CPAP: variants seen among roughly 807,000 people sequenced by gnomAD.
CPAP encodes the protein centrosome assembly and centriole elongation protein.
At chr13:24,925,561 C>T in the CPAP span, among the ~76,000 whole-genome samples, 6 of 152,146 alleles carry the variant, frequency 3.9e-5, no homozygotes, top group South Asian at 2.1e-4. Flanking sequence ...GATCACACCA[C>T]GAGACTACAG....
the CPAP span, among the ~76,000 whole-genome samples, chr13:24,907,842 TCTC>T: frequency 1.3e-5 from 2 of 152,230 alleles, no homozygotes; most frequent in Non-Finnish European, 2.9e-5. Context: ...GCTTGACATA[TCTC>T]CTCAACCTCT....
chr13:24,884,974 CTG>C, the CPAP span, among the ~76,000 whole-genome samples: 4 of 152,192 alleles, frequency 2.6e-5, no homozygotes, highest in African/African-American at 7.2e-5. Context: ...AAGAATAAAA[CTG>C]TGCTAGCTGG....
At chr13:24,894,731 G>A in the CPAP span, among the ~76,000 whole-genome samples, 1 of 152,190 alleles carries the variant, frequency 6.6e-6, no homozygotes, top group Non-Finnish European at 1.5e-5. Context: ...GAGGCGGAGG[G>A]TGGGCTCCGT....
the CPAP span, among the ~76,000 whole-genome samples, chr13:24,886,640 GT>G: frequency 6.6e-6 from 1 of 152,124 alleles, no homozygotes; most frequent in Non-Finnish European, 1.5e-5. Flanking sequence ...GGAGTGCTCT[GT>G]TTGGGATGAC....
At chr13:24,885,313 T>C in the CPAP span, 2 of 1,613,682 alleles carry the variant, frequency 1.2e-6, no homozygotes, top group Non-Finnish European at 1.7e-6. Flanking sequence ...CTGTATGTCT[T>C]GGTCTTCCTC....
chr13:24,906,400 C>A, the CPAP span: 9 of 1,613,004 alleles, frequency 5.6e-6, no homozygotes, highest in Non-Finnish European at 6.8e-6. Context: ...CAGACTCTTT[C>A]ATGGTCTCCC....
At chr13:24,918,872 G>A in the CPAP span, among the ~76,000 whole-genome samples, 5 of 151,996 alleles carry the variant, frequency 3.3e-5, no homozygotes, top group African/African-American at 9.7e-5. Flanking sequence ...AAGCATAAGC[G>A]AACCCACAAA....
the CPAP span, among the ~76,000 whole-genome samples, chr13:24,902,787 A>G: frequency 1.3e-5 from 2 of 152,212 alleles, no homozygotes; most frequent in African/African-American, 4.8e-5. Context: ...GGGGAGTGCT[A>G]AAGAACAAAG....
At chr13:24,883,164 C>T in the CPAP span, 1 of 1,609,042 alleles carries the variant, frequency 6.2e-7, no homozygotes, top group Non-Finnish European at 8.5e-7. Flanking sequence ...ACTTCATGAT[C>T]ACATGAGGAT....
At chr13:24,920,611 T>C in the CPAP span, among the ~76,000 whole-genome samples, 69,562 of 148,602 alleles carry the variant, frequency 0.47, 16,476 homozygotes, top group South Asian at 0.57. Flanking sequence ...ATCAGACAAA[T>C]ATGATTCCTT....
At chr13:24,912,762 T>A in the CPAP span, 1 of 1,614,208 alleles carries the variant, frequency 6.2e-7, no homozygotes, top group South Asian at 1.1e-5. Flanking sequence ...TATCTGACTG[T>A]GGTTTGTAAG....
At chr13:24,909,891 G>C in the CPAP span, 1 of 1,614,114 alleles carries the variant, frequency 6.2e-7, no homozygotes. Flanking sequence ...ACGTTTTGAA[G>C]TTAAGACAAA....
At chr13:24,882,933 C>T in the CPAP span, 1 of 501,214 alleles carries the variant, frequency 2.0e-6, no homozygotes, top group South Asian at 2.1e-5. Flanking sequence ...AAAACCTGTA[C>T]ACAATTTCTA....
chr13:24,912,010 T>C, the CPAP span: 12 of 1,613,994 alleles, frequency 7.4e-6, no homozygotes, highest in African/African-American at 2.7e-5. Context: ...TGAGTCTCTG[T>C]AGTTGCTCCA....
chr13:24,884,403 C>A, the CPAP span: 7 of 1,613,946 alleles, frequency 4.3e-6, no homozygotes, highest in Non-Finnish European at 1.7e-6. Context: ...GCACTCACTT[C>A]CTTTCGAGTT....
At chr13:24,927,489 C>T in the CPAP span, among the ~76,000 whole-genome samples, 1 of 152,172 alleles carries the variant, frequency 6.6e-6, no homozygotes. Flanking sequence ...ACCTATGGGG[C>T]CCCTTCCACA....
At chr13:24,906,166 C>T in the CPAP span, 4 of 1,613,666 alleles carry the variant, frequency 2.5e-6, no homozygotes, top group Admixed American at 1.7e-5. Flanking sequence ...CCGGATTTGT[C>T]TTCTGTGGCA....
the CPAP span, among the ~76,000 whole-genome samples, chr13:24,917,876 T>C: frequency 1.3e-5 from 2 of 152,162 alleles, no homozygotes; most frequent in Non-Finnish European, 2.9e-5. Context: ...AGGCTCTCTT[T>C]TATAACAAAG....
chr13:24,912,423 C>T, the CPAP span, among the ~76,000 whole-genome samples: 3 of 152,156 alleles, frequency 2.0e-5, no homozygotes, highest in South Asian at 2.1e-4. Flanking sequence ...GCTAATTAAA[C>T]ACACTTAAAT....
Sources: allele counts gnomAD v4.1 joint callset (sites outside exome capture counted in the v4.1 genomes callset), GRCh38; gene constraint gnomAD v4.1.1; transcripts MANE v1.5; gene names NCBI Gene and HGNC (gene_info 2026-07-23, HGNC 2026-07-21).